The following SMYD3 variants were observed in gnomAD, a reference collection of about 807,000 sequenced individuals.
The protein encoded by SMYD3 is SET and MYND domain containing 3.
SMYD3 carries 36 observed loss-of-function variants against 57.7 expected under a neutral mutation model. That is an observed-to-expected ratio of 0.62 (90% CI 0.48 to 0.82). The LOEUF (loss-of-function observed/expected upper bound fraction) is 0.82. Ranked by LOEUF, SMYD3 falls within the 40% of genes least tolerant of loss-of-function variation. The pLI is 0.00. For missense variants in SMYD3, 515 were observed against 538.8 expected (o/e 0.96, Z 0.44); for synonymous variants, 211 against 195.0 (o/e 1.08, Z -0.68).
chr1:246,146,091 G>T (rs2061838420), intron 5 of SMYD3, among the ~76,000 whole-genome samples: 1 of 152,162 alleles, frequency 6.6e-6, no homozygotes, highest in Non-Finnish European at 1.5e-5. Context: ...AAGGTAGAGG[G>T]TATCCCTGCC....
chr1:246,139,837 A>G (rs1043876576), intron 5 of SMYD3, among the ~76,000 whole-genome samples: 1 of 152,236 alleles, frequency 6.6e-6, no homozygotes, highest in Non-Finnish European at 1.5e-5. Flanking sequence ...CTGGAAAGGA[A>G]AGAGCAGCTG....
chr1:245,775,184 C>A (rs2046524181), intron 10 of SMYD3, among the ~76,000 whole-genome samples: 1 of 152,178 alleles, frequency 6.6e-6, no homozygotes, highest in Non-Finnish European at 1.5e-5. Context: ...TGGGGGACAC[C>A]CCCACCCGGC....
At chr1:246,093,152 T>A (rs915770901) in intron 5 of SMYD3, among the ~76,000 whole-genome samples, 23 of 152,158 alleles carry the variant, frequency 1.5e-4, no homozygotes, top group Non-Finnish European at 1.9e-4. Flanking sequence ...AACTCTCATA[T>A]CCTGTTGGTG....
chr1:246,053,728 T>A (rs931722409), intron 5 of SMYD3, among the ~76,000 whole-genome samples: 1 of 151,936 alleles, frequency 6.6e-6, no homozygotes, highest in African/African-American at 2.4e-5. Context: ...GACAAGAGGA[T>A]CGCTTTAGCC....
intron 9 of SMYD3, among the ~76,000 whole-genome samples, chr1:245,862,366 T>C (rs1201219454): frequency 6.6e-6 from 1 of 152,216 alleles, no homozygotes; most frequent in Admixed American, 6.5e-5. Context: ...AAGCCCTAAA[T>C]TTTTTTCACA....
intron 1 of SMYD3, among the ~76,000 whole-genome samples, chr1:246,361,019 A>T (rs1290812907): frequency 6.6e-6 from 1 of 152,250 alleles, no homozygotes; most frequent in Non-Finnish European, 1.5e-5. Flanking sequence ...GACAAACCAC[A>T]GAGTGGGAGA....
chr1:246,391,060 CAAAAGGAAGAGACCATCAG>C (rs2066554546), intron 1 of SMYD3, among the ~76,000 whole-genome samples: 1 of 151,966 alleles, frequency 6.6e-6, no homozygotes, highest in Non-Finnish European at 1.5e-5. Context: ...ACATTCACAT[CAAAAGGAAGAGACCATCAG>C]GCTGGAGTTT....
At chr1:246,413,052 CCCTCAA>C (rs2067003300) in intron 1 of SMYD3, among the ~76,000 whole-genome samples, 1 of 152,154 alleles carries the variant, frequency 6.6e-6, no homozygotes, top group South Asian at 2.1e-4. Flanking sequence ...TCCACCCTCA[CCCTCAA>C]CCAGTGCTAG....
At chr1:246,281,221 G>T (rs1369515327) in intron 5 of SMYD3, among the ~76,000 whole-genome samples, 2 of 152,218 alleles carry the variant, frequency 1.3e-5, no homozygotes, top group Non-Finnish European at 2.9e-5. Context: ...TTCAGCCCGT[G>T]GTAGAGCCTG....
intron 5 of SMYD3, among the ~76,000 whole-genome samples, chr1:246,305,599 A>G (rs1183252884): frequency 1.3e-5 from 2 of 152,236 alleles, no homozygotes; most frequent in Admixed American, 6.5e-5. Flanking sequence ...AAGGAAATAT[A>G]GCTATTTGAA....
At chr1:246,455,175 A>C (rs1408453404) in intron 1 of SMYD3, among the ~76,000 whole-genome samples, 2 of 152,198 alleles carry the variant, frequency 1.3e-5, no homozygotes, top group Non-Finnish European at 2.9e-5. Flanking sequence ...CATGTTATAG[A>C]GAATTTCTCA....
intron 11 of SMYD3, among the ~76,000 whole-genome samples, chr1:245,759,770 G>A (rs1249323375): frequency 6.6e-6 from 1 of 151,648 alleles, no homozygotes; most frequent in Non-Finnish European, 1.5e-5. Context: ...TTTAAATACA[G>A]ATTTTTTTAA....
chr1:245,982,285 C>T (rs1215976082), intron 5 of SMYD3, among the ~76,000 whole-genome samples: 1 of 152,158 alleles, frequency 6.6e-6, no homozygotes, highest in Non-Finnish European at 1.5e-5. Flanking sequence ...GCATGAGCCA[C>T]TGCAGCTGGC....
At chr1:246,167,979 A>G (rs2062250987) in intron 5 of SMYD3, among the ~76,000 whole-genome samples, 1 of 152,292 alleles carries the variant, frequency 6.6e-6, no homozygotes, top group South Asian at 2.1e-4. Flanking sequence ...AAGGTACTCC[A>G]ATATTCTTCT....
chr1:246,214,276 T>G (rs914485542), intron 5 of SMYD3, among the ~76,000 whole-genome samples: 1 of 152,128 alleles, frequency 6.6e-6, no homozygotes, highest in Non-Finnish European at 1.5e-5. Context: ...TGTGAAAGCT[T>G]TATTTGGTAA....
intron 7 of SMYD3, among the ~76,000 whole-genome samples, chr1:245,916,896 C>T (rs1331368244): frequency 1.3e-5 from 2 of 152,162 alleles, no homozygotes; most frequent in Non-Finnish European, 2.9e-5. Context: ...GTATGGTCCC[C>T]GCATTGGTGC....
At chr1:245,855,531 A>T (rs1458040511) in intron 10 of SMYD3, among the ~76,000 whole-genome samples, 1 of 152,192 alleles carries the variant, frequency 6.6e-6, no homozygotes, top group African/African-American at 2.4e-5. Context: ...TCTTCATTCT[A>T]CTTCCTGTTT....
chr1:246,296,776 C>T (rs987726687), intron 5 of SMYD3, among the ~76,000 whole-genome samples: 9 of 152,038 alleles, frequency 5.9e-5, no homozygotes, highest in African/African-American at 2.2e-4. Flanking sequence ...AATATTAATA[C>T]AATATGATAT....
intron 5 of SMYD3, among the ~76,000 whole-genome samples, chr1:246,129,968 G>A (rs763594677): frequency 1.1e-4 from 17 of 152,130 alleles, no homozygotes; most frequent in Non-Finnish European, 2.4e-4. Context: ...ATATATAACT[G>A]TAGCTATGTC....
Sources: allele counts gnomAD v4.1 joint callset (sites outside exome capture counted in the v4.1 genomes callset), GRCh38; gene constraint gnomAD v4.1.1; transcripts MANE v1.5; gene names NCBI Gene and HGNC (gene_info 2026-07-23, HGNC 2026-07-21).